Variants in TSPAN13 observed in about 807,000 individuals in gnomAD.
TSPAN13 encodes tetraspanin-13.
TSPAN13 carries 18 observed loss-of-function variants against 26.9 expected under a neutral mutation model. The observed-to-expected ratio is 0.67, with a 90% CI of 0.46 to 0.99. The LOEUF is 0.99. TSPAN13 is among the 50% of genes least tolerant of loss of function. The pLI, the probability that TSPAN13 is intolerant of heterozygous loss-of-function variation, is 0.00. For synonymous variants in TSPAN13, 116 were observed against 98.4 expected (o/e 1.18, Z -1.06); for missense variants, 201 against 249.6 (o/e 0.81, Z 1.31).
intron 1 of TSPAN13, among the ~76,000 whole-genome samples, chr7:16,754,242 G>A (rs984496045): frequency 6.6e-6 from 1 of 152,184 alleles, no homozygotes; most frequent in East Asian, 1.9e-4. Context: ...TCATTGTGAA[G>A]CCGCGGTCTC....
chr7:16,754,719 C>G (rs2115317884), intron 1 of TSPAN13, among the ~76,000 whole-genome samples: 1 of 152,242 alleles, frequency 6.6e-6, no homozygotes. Flanking sequence ...TAAGCGAGCC[C>G]CCACCCAAGT....
chr7:16,772,468 G>T (rs1052383753), intron 1 of TSPAN13, among the ~76,000 whole-genome samples: 1 of 152,206 alleles, frequency 6.6e-6, no homozygotes, highest in Non-Finnish European at 1.5e-5. Context: ...ACCTGGGGGA[G>T]AATCTGTTCT....
intron 5 of TSPAN13, among the ~76,000 whole-genome samples, chr7:16,781,279 A>G (rs10258691): frequency 0.062 from 9,437 of 152,220 alleles, 1,009 homozygotes; most frequent in African/African-American, 0.21. Context: ...TGCCCGTTCT[A>G]TATTTAGTAA....
In TSPAN13 at chr7:16,779,927, A is replaced by G. The variant is rs529583902; in HGVS notation, c.540+811A>G. Among the ~76,000 whole-genome samples the G allele has an allele frequency of 6.1e-4, 92 of 151,608 alleles. No homozygotes were observed. The East Asian group carries it at 6.4e-3, about 11-fold the overall frequency. On this transcript the variant is annotated intron_variant, in intron 5 of 5. Transcript: ENST00000262067. ...GCTGGGACTACAGGCGCCCGCCACC[A>G]CGCCCAGCTAATTTTTTGTATTTTT...
intron 1 of TSPAN13, among the ~76,000 whole-genome samples, chr7:16,755,085 C>T (rs1391039722): frequency 1.3e-5 from 2 of 152,012 alleles, no homozygotes; most frequent in South Asian, 4.1e-4. Flanking sequence ...CTTCTGTCAT[C>T]ATCCCTCCAT....
intron 4 of TSPAN13, among the ~76,000 whole-genome samples, chr7:16,778,321 G>A (rs1275813579): frequency 6.6e-6 from 1 of 152,182 alleles, no homozygotes; most frequent in Non-Finnish European, 1.5e-5. Flanking sequence ...GGGGGTCTGT[G>A]TTATGTTTCT....
Position 16,783,639 on chromosome 7 carries a change from TTTCTC to T in TSPAN13, c.*150_*154del, listed in dbSNP as rs1784839264. On this transcript the variant is annotated 3_prime_UTR_variant, in exon 6 of 6. Transcript: ENST00000262067. ...TGGAATTATATATTTTTACTCTATG[TTTCTC>T]TACATGTTTTTTTCTTTCCGTTGCT... 2.7e-5 allele frequency: 20 copies of T among 731,664 alleles called. No individual in the cohort carries two copies. The East Asian group carries it at 4.3e-4, about 16-fold the overall frequency. 45.3% of individuals were successfully genotyped at this position (731,664 alleles called of 1,614,324 possible). A position where few individuals can be genotyped will look rare whatever the true frequency, so the allele number is the denominator to read the frequency against.
chr7:16,762,537 C>T (rs181681517), intron 1 of TSPAN13, among the ~76,000 whole-genome samples: 30 of 152,220 alleles, frequency 2.0e-4, no homozygotes, highest in Admixed American at 1.9e-3. Flanking sequence ...CAAAGGACAG[C>T]CAGCATAGAA....
chr7:16,777,103 C>G lies in TSPAN13; in HGVS notation c.293C>G (p.Ala98Gly), dbSNP rs1784759958. 1 of 1,613,220 alleles carries G rather than the reference C, an allele frequency of 6.2e-7. No individual in the cohort carries two copies. Among genetic ancestry groups the G allele is most frequent in the Admixed American group, 1.7e-5 (1 of 59,992 alleles). ...TTTTCTGTATCTTGCGCTTGTTTAG[C>G]CCTGAACCAGGAGCAACAGGTAAGC... ...VQFSVSCACL[A>G]LNQEQQGQLL... The change falls in exon 3 of 6, where the codon GCC (alanine) becomes GGC (glycine). Residue 98 changes from alanine to glycine, a missense_variant. Ala to Gly is a moderately conservative substitution (Grantham distance 60, BLOSUM62 0). Coordinates refer to ENST00000262067, the MANE Select transcript of TSPAN13 (RefSeq NM_014399.4).
intron 1 of TSPAN13, among the ~76,000 whole-genome samples, chr7:16,765,530 A>T (rs1481757101): frequency 6.6e-6 from 1 of 152,136 alleles, no homozygotes; most frequent in Non-Finnish European, 1.5e-5. Context: ...CTCGGGGGAG[A>T]AATGCCAGTT....
intron 2 of TSPAN13, among the ~76,000 whole-genome samples, chr7:16,776,810 A>G (rs1349148654): frequency 6.6e-6 from 1 of 152,204 alleles, no homozygotes; most frequent in African/African-American, 2.4e-5. Context: ...TGAAATTCTA[A>G]TCTAGTTTTA....
At chr7:16,754,703 A>G (rs1433557526) in intron 1 of TSPAN13, among the ~76,000 whole-genome samples, 1 of 152,156 alleles carries the variant, frequency 6.6e-6, no homozygotes, top group Non-Finnish European at 1.5e-5. Flanking sequence ...CAAGTCCTCC[A>G]GGAAATAAGC....
chr7:16,764,943 T>TC (rs1258416150), intron 1 of TSPAN13, among the ~76,000 whole-genome samples: 1 of 151,714 alleles, frequency 6.6e-6, no homozygotes, highest in African/African-American at 2.4e-5. Context: ...TGTTTTTTTT[T>TC]TGAGACAAGG....
intron 1 of TSPAN13, among the ~76,000 whole-genome samples, chr7:16,775,213 CT>C (rs749822257): frequency 2.0e-5 from 3 of 152,176 alleles, no homozygotes; most frequent in Non-Finnish European, 4.4e-5. Flanking sequence ...CACTCCTCCC[CT>C]AATACCTATG....
At chr7:16,775,511 A>T (rs1784731552) in intron 1 of TSPAN13, among the ~76,000 whole-genome samples, 1 of 152,250 alleles carries the variant, frequency 6.6e-6, no homozygotes, top group African/African-American at 2.4e-5. Flanking sequence ...AATAAAATAG[A>T]TGATGACATT....
At chr7:16,767,598 A>G (rs1583789864) in intron 1 of TSPAN13, among the ~76,000 whole-genome samples, 4 of 152,190 alleles carry the variant, frequency 2.6e-5, no homozygotes, top group African/African-American at 7.2e-5. Context: ...TAAGGGATAC[A>G]TATAATTTTC....
intron 1 of TSPAN13, among the ~76,000 whole-genome samples, chr7:16,758,272 A>C (rs1290856756): frequency 6.6e-6 from 1 of 152,178 alleles, no homozygotes. Context: ...TGTCCATACA[A>C]ATTATGGGAA....
At chr7:16,770,596 T>C (rs2115330452) in intron 1 of TSPAN13, among the ~76,000 whole-genome samples, 1 of 152,348 alleles carries the variant, frequency 6.6e-6, no homozygotes, top group Middle Eastern at 3.4e-3. Flanking sequence ...GGAGCTTTTA[T>C]CCTTCTTTTG....
intron 1 of TSPAN13, among the ~76,000 whole-genome samples, chr7:16,754,475 G>A (rs1473112205): frequency 2.0e-5 from 3 of 152,190 alleles, no homozygotes; most frequent in Admixed American, 6.5e-5. Flanking sequence ...CTGACGAGGC[G>A]GCATATGGCT....
Sources: allele counts gnomAD v4.1 joint callset (sites outside exome capture counted in the v4.1 genomes callset), GRCh38; gene constraint gnomAD v4.1.1; transcripts MANE v1.5; gene names NCBI Gene and HGNC (gene_info 2026-07-23, HGNC 2026-07-21).